The following RGPD4 variants were observed in gnomAD, a reference collection of about 807,000 sequenced individuals.
The protein encoded by RGPD4 is RANBP2 like and GRIP domain containing 4.
Under a neutral mutation model 141.1 loss-of-function variants are expected in RGPD4, and 84 were observed. The observed-to-expected ratio is 0.60, with a 90% CI of 0.50 to 0.71. RGPD4 has a LOEUF of 0.71. Among genes scored for constraint, RGPD4 ranks in the 30% least tolerant of loss-of-function variants. RGPD4 has a pLI of 0.00. For missense variants in RGPD4, 918 were observed against 1,622.4 expected, an observed-to-expected ratio of 0.57 and a Z score of 7.46; for synonymous variants, 298 against 566.8, an observed-to-expected ratio of 0.53 and a Z score of 6.74.
chr2:107,877,649 C>CA (rs1425639057), intron 20 of RGPD4, among the ~76,000 whole-genome samples: 2 of 151,100 alleles, frequency 1.3e-5, no homozygotes, highest in Non-Finnish European at 2.9e-5. Flanking sequence ...TAATTTTGGC[C>CA]AGTATTTAGC....
chr2:107,833,824 G>A (rs1681577925), intron 1 of RGPD4, among the ~76,000 whole-genome samples: 1 of 152,110 alleles, frequency 6.6e-6, no homozygotes, highest in South Asian at 2.1e-4. Flanking sequence ...AGATTACAAG[G>A]TCGAGAGAGC....
rs573673982 is a variant in RGPD4, at chr2:107,883,081, A to C, written c.5266+208A>C. The C allele has an allele frequency of 8.5e-4, 606 of 709,174 alleles. 10 individuals are homozygous for C. Among genetic ancestry groups the C allele is most frequent in the African/African-American group, 4.9e-3 (267 of 54,942 alleles). The allele number at this position is 709,174 out of a possible 1,614,324, so 43.9% of individuals were successfully genotyped here. A position where few individuals can be genotyped will look rare whatever the true frequency, so the allele number is the denominator to read the frequency against. Reference sequence around the variant, plus strand: ...CATTTATATAATTTTAACGTTCAGCAAAATACAATAAGTGCTTAGCTTGAT... The same window carrying C: ...CATTTATATAATTTTAACGTTCAGCCAAATACAATAAGTGCTTAGCTTGAT... On this transcript the variant is annotated intron_variant, in intron 22 of 22. Transcript: ENST00000408999.
At chr2:107,885,882 G>C (rs1377569619) in intron 22 of RGPD4, among the ~76,000 whole-genome samples, 285 of 151,670 alleles carry the variant, frequency 1.9e-3, no homozygotes, top group Non-Finnish European at 3.6e-3. Context: ...GTGAAACCCC[G>C]TCTCTACTCA....
At position 107,859,757 on chromosome 2, in the gene RGPD4, A is replaced by T; in HGVS notation, c.1670A>T (p.Gln557Leu). 6.2e-7 allele frequency: 1 copy of T among 1,611,126 alleles called. No individual in the cohort carries two copies. The highest frequency in any genetic ancestry group is 8.5e-7 in the Non-Finnish European group (1 of 1,179,854). Residue 557 changes from glutamine (Q) to leucine (L), a missense_variant, in exon 12 of 23, where the codon CAG becomes CTG. By Grantham distance (113) the Gln-to-Leu change is moderately radical (BLOSUM62 -2). Transcript: ENST00000408999. ...GNSAKLRLLV[Q>L]HEINTLRAQE... ...TCAGCAAAATTGAGACTTTTAGTTC[A>T]GCATGAAATAAACACTCTAAGAGCC...
At chr2:107,845,738 G>C (rs1344300445) in intron 6 of RGPD4, among the ~76,000 whole-genome samples, 1 of 151,906 alleles carries the variant, frequency 6.6e-6, no homozygotes, top group Admixed American at 6.5e-5. Context: ...TAATTTTTTT[G>C]TATTTTTAGT....
chr2:107,859,675 A>C, intron 11 of RGPD4, 47 bp from the exon 12 acceptor site: 1 of 1,611,268 alleles, frequency 6.2e-7, no homozygotes, highest in Non-Finnish European at 8.5e-7. Context: ...GTAAGCGCTG[A>C]ACTGTGTATT....
intron 1 of RGPD4, among the ~76,000 whole-genome samples, chr2:107,831,551 C>T (rs549210001): frequency 2.0e-5 from 2 of 102,282 alleles, no homozygotes; most frequent in Non-Finnish European, 4.3e-5. Flanking sequence ...CCATTTTAGA[C>T]ATTTTCTTTT....
At chr2:107,827,115 T>C in intron 1 of RGPD4, 30 bp downstream of exon 1, 1 of 1,568,626 alleles carries the variant, frequency 6.4e-7, no homozygotes, top group Non-Finnish European at 8.6e-7. Flanking sequence ...ACCGACGGCC[T>C]CGACCTGGCC....
chr2:107,884,444 T>TA (rs1170869762), intron 22 of RGPD4, among the ~76,000 whole-genome samples: 10 of 150,756 alleles, frequency 6.6e-5, no homozygotes, highest in Non-Finnish European at 1.5e-4. Context: ...TATAAATATA[T>TA]TTTTAATGTG....
chr2:107,873,740 T>C (rs1683011231), intron 20 of RGPD4, among the ~76,000 whole-genome samples: 2 of 151,934 alleles, frequency 1.3e-5, no homozygotes, highest in Middle Eastern at 3.4e-3. Context: ...TGGCTTTTTA[T>C]GTTTTAAAAG....
chr2:107,854,400 T>G (rs1682232707), intron 7 of RGPD4, among the ~76,000 whole-genome samples, 156 bp from the exon 8 acceptor site: 2 of 151,962 alleles, frequency 1.3e-5, no homozygotes, highest in African/African-American at 4.8e-5. Flanking sequence ...TATAAATTCC[T>G]TGGTTCCCAG....
At chr2:107,867,153 A>G (rs1240690011) in intron 18 of RGPD4, among the ~76,000 whole-genome samples, 4 of 147,240 alleles carry the variant, frequency 2.7e-5, no homozygotes, top group Non-Finnish European at 3.0e-5. Context: ...TTCACACTCC[A>G]GTGGTGTAAC....
In RGPD4 at chr2:107,831,043, T is replaced by C. The variant is rs1487465168; in HGVS notation, c.72+3958T>C. On this transcript the variant is annotated intron_variant, in intron 1 of 22. Coordinates refer to ENST00000408999, the MANE Select transcript of RGPD4 (RefSeq NM_182588.3). The stretch of plus-strand genomic sequence containing the variant: ...AAATACAAAAATGAGCCGGGCGTGG[T>C]GGCAGCGCCTGTAGTCCCACCTACT... 1.7e-4 allele frequency among the ~76,000 whole-genome samples: 24 copies of C among 143,892 alleles called. No individual in the cohort carries two copies. The South Asian group carries it at 5.5e-3, about 33-fold the overall frequency. 94.4% of individuals were successfully genotyped at this position (143,892 alleles called of 152,430 possible). A position where few individuals can be genotyped will look rare whatever the true frequency, so the allele number is the denominator to read the frequency against.
chr2:107,858,352 A>T (rs1682401586), intron 9 of RGPD4, among the ~76,000 whole-genome samples: 1 of 152,236 alleles, frequency 6.6e-6, no homozygotes, highest in African/African-American at 2.4e-5. Flanking sequence ...AAATTGCCAA[A>T]ATGACAGAAA....
chr2:107,828,068 G>A (rs1335428347), intron 1 of RGPD4, among the ~76,000 whole-genome samples: 52 of 41,288 alleles, frequency 1.3e-3, no homozygotes, highest in Non-Finnish European at 2.0e-3. Flanking sequence ...GCTCCCTGGC[G>A]CGCTCTGTTG....
At position 107,827,079 on chromosome 2, in the gene RGPD4, T is replaced by C; in HGVS notation, c.66T>C (p.Pro22=). 1.3e-6 allele frequency: 2 copies of C among 1,590,572 alleles called. No homozygotes were observed. The highest frequency in any genetic ancestry group is 1.7e-6 in the Non-Finnish European group (2 of 1,169,888). ...VASVQGSAPS[P]RKKSTRGFYF... is the part of the protein sequence containing the mutation. ...CCGTGCAGGGCTCCGCCCCGTCGCC[T>C]CGAAAGGTGAGTGGATCTCGAAGAG... Residue 22 remains proline, a synonymous_variant, in exon 1 of 23, where the codon CCT becomes CCC. Transcript: ENST00000408999.
intron 4 of RGPD4, among the ~76,000 whole-genome samples, chr2:107,840,860 A>T (rs1681778120): frequency 1.4e-5 from 1 of 69,486 alleles, no homozygotes; most frequent in Non-Finnish European, 3.2e-5. Flanking sequence ...CAGGTGATCC[A>T]CCCACTTTGG....
chr2:107,835,070 GCTTTTTTTTTT>G (rs1681625773), intron 1 of RGPD4, among the ~76,000 whole-genome samples: 1 of 15,642 alleles, frequency 6.4e-5, no homozygotes, highest in African/African-American at 5.5e-4. Flanking sequence ...GGTTGTATCA[GCTTTTTTTTTT>G]TTTTTTTTTT....
intron 18 of RGPD4, 103 bp from the exon 19 acceptor site, chr2:107,869,780 C>A (rs1476434011): frequency 1.7e-5 from 23 of 1,362,678 alleles, no homozygotes; most frequent in Non-Finnish European, 2.2e-5. Context: ...TTAAATCTTT[C>A]TTTAATTTCT....
Sources: gnomAD v4.1 joint callset for allele counts (sites outside exome capture counted in the v4.1 genomes callset) on GRCh38, gnomAD v4.1.1 for gene constraint, MANE v1.5 for transcripts, NCBI Gene and HGNC (gene_info 2026-07-23, HGNC 2026-07-21) for gene names.